The following SMCHD1 variants were observed in gnomAD, a reference collection of about 807,000 sequenced individuals.
The protein encoded by SMCHD1 is structural maintenance of chromosomes flexible hinge domain containing 1.
Under a neutral mutation model 254.7 loss-of-function variants are expected in SMCHD1, and 78 were observed. The observed-to-expected ratio is 0.31, with a 90% CI of 0.26 to 0.37. The LOEUF (loss-of-function observed/expected upper bound fraction) is 0.37, where lower values mean the gene tolerates loss of function less well. SMCHD1 is among the 10% of genes least tolerant of loss of function. The pLI is 1.00. For missense variants in SMCHD1, 1,840 were observed against 2,408.1 expected, an observed-to-expected ratio of 0.76 and a Z score of 4.94; for synonymous variants, 766 against 794.9, an observed-to-expected ratio of 0.96 and a Z score of 0.61.
At chr18:2,656,432 C>T (rs958223565) in intron 1 of SMCHD1, among the ~76,000 whole-genome samples, 171 bp downstream of exon 1, 4 of 152,196 alleles carry the variant, frequency 2.6e-5, no homozygotes, top group African/African-American at 7.2e-5. Context: ...GGCCGGACGC[C>T]TCGGGCGGGC....
intron 3 of SMCHD1, among the ~76,000 whole-genome samples, chr18:2,670,978 C>T (rs1346967158): frequency 1.4e-5 from 2 of 146,718 alleles, no homozygotes; most frequent in East Asian, 3.9e-4. Context: ...GGCTTGTTGC[C>T]CAGGCTGGAG....
At chr18:2,760,405 C>T in intron 34 of SMCHD1, 1 of 293,624 alleles carries the variant, frequency 3.4e-6, no homozygotes, top group Non-Finnish European at 6.4e-6. Context: ...CTTCATATTC[C>T]TGTTCTTTCA....
chr18:2,790,021 AAAAT>A (rs2076295391), intron 45 of SMCHD1, among the ~76,000 whole-genome samples: 1 of 152,074 alleles, frequency 6.6e-6, no homozygotes, highest in Non-Finnish European at 1.5e-5. Context: ...GTCTCTACTA[AAAAT>A]AAAAAAAGTT....
At chr18:2,682,177 T>C (rs2073945856) in intron 5 of SMCHD1, among the ~76,000 whole-genome samples, 1 of 152,068 alleles carries the variant, frequency 6.6e-6, no homozygotes, top group Non-Finnish European at 1.5e-5. Context: ...GTTTTTTTTT[T>C]CCTCCTTTGT....
intron 29 of SMCHD1, 53 bp from the exon 30 acceptor site, chr18:2,747,469 A>G: frequency 6.8e-7 from 1 of 1,469,140 alleles, no homozygotes; most frequent in Non-Finnish European, 9.3e-7. Flanking sequence ...AAGTAATTGC[A>G]TTGTTTGGCC....
At chr18:2,791,995 A>G (rs2076175254) in intron 45 of SMCHD1, among the ~76,000 whole-genome samples, 1 of 152,228 alleles carries the variant, frequency 6.6e-6, no homozygotes, top group South Asian at 2.1e-4. Context: ...AATCATTTCC[A>G]AAATATTTAT....
chr18:2,744,038 C>A, intron 29 of SMCHD1, 110 bp downstream of exon 29: 1 of 863,938 alleles, frequency 1.2e-6, no homozygotes, highest in Non-Finnish European at 1.7e-6. Context: ...TAACAACTAA[C>A]AGTTGTTAAC....
intron 17 of SMCHD1, among the ~76,000 whole-genome samples, chr18:2,708,228 A>G (rs1016327991): frequency 1.3e-5 from 2 of 152,184 alleles, no homozygotes; most frequent in African/African-American, 4.8e-5. Context: ...TTACAGTTCT[A>G]ATAATTACAG....
At chr18:2,684,548 T>C (rs1044056905) in intron 5 of SMCHD1, among the ~76,000 whole-genome samples, 7 of 152,178 alleles carry the variant, frequency 4.6e-5, no homozygotes, top group Non-Finnish European at 8.8e-5. Flanking sequence ...TATTTAACAA[T>C]CTCTGCCTTT....
At position 2,764,336 on chromosome 18, in the gene SMCHD1, C is replaced by T. The variant is rs558139008; in HGVS notation, c.4719+547C>T. ...TGTGTATATGATTTATATACATGTT[C>T]GGAGGGTGTAAAATTTCATTAATAG... is the stretch of plus-strand genomic sequence containing the variant. On this transcript the variant is annotated intron_variant, in intron 37 of 47. Transcript: ENST00000320876. Among the ~76,000 whole-genome samples, 5 of 152,100 alleles carry T rather than the reference C, an allele frequency of 3.3e-5. No individual in the cohort carries two copies. In the East Asian group the frequency reaches 9.7e-4, roughly 29 times the overall value.
chr18:2,660,814 A>G (rs890431590), intron 1 of SMCHD1, among the ~76,000 whole-genome samples: 101 of 152,224 alleles, frequency 6.6e-4, no homozygotes, highest in African/African-American at 2.4e-3. Flanking sequence ...TGAAAAATCC[A>G]TGGATATTTC....
chr18:2,738,672 A>C, intron 26 of SMCHD1, 127 bp downstream of exon 26: 1 of 853,402 alleles, frequency 1.2e-6, no homozygotes, highest in South Asian at 2.8e-5. Flanking sequence ...TTGTCTTTGG[A>C]ATAAAGTGTC....
intron 39 of SMCHD1, among the ~76,000 whole-genome samples, chr18:2,770,700 A>G (rs2075962374): frequency 6.6e-6 from 1 of 151,898 alleles, no homozygotes; most frequent in South Asian, 2.1e-4. Context: ...CACTCACTGC[A>G]CCCTCTGCCT....
At chr18:2,668,097 C>G (rs2073487246) in intron 3 of SMCHD1, among the ~76,000 whole-genome samples, 1 of 152,144 alleles carries the variant, frequency 6.6e-6, no homozygotes, top group Admixed American at 6.5e-5. Flanking sequence ...CCAGGCTGGT[C>G]TTGAACTCCT....
chr18:2,757,074 C>T (rs1406008260), intron 34 of SMCHD1, among the ~76,000 whole-genome samples: 1 of 151,924 alleles, frequency 6.6e-6, no homozygotes, highest in African/African-American at 2.4e-5. Flanking sequence ...TTTTTTAGCT[C>T]ATTTATTTTG....
chr18:2,688,156 G>T (rs1360352265), intron 5 of SMCHD1, among the ~76,000 whole-genome samples: 1 of 152,190 alleles, frequency 6.6e-6, no homozygotes, highest in Admixed American at 6.5e-5. Flanking sequence ...GATTTAGTAG[G>T]ATTGAGCCCA....
chr18:2,743,879 C>T lies in SMCHD1; in HGVS notation c.3752C>T (p.Ser1251Phe). 1 of 1,613,166 alleles carries T rather than the reference C, an allele frequency of 6.2e-7. No homozygotes were observed. The highest frequency in any genetic ancestry group is 2.2e-5 in the East Asian group (1 of 44,800). Residue 1251 changes from serine to phenylalanine, a missense_variant, in exon 29 of 48, where the codon TCT becomes TTT. This residue lies in a region of SMCHD1 where 881 missense variants were observed against 1,009.5 expected (regional missense o/e 0.87). Transcript: ENST00000320876. ...FSDFIRVQLI[S>F]GPPAKLLLID... Reference sequence around the variant, plus strand: ...GACTTTATTCGAGTGCAACTAATTTCTGGACCTCCTGCTAAACTTCTCCTT... The same window carrying T: ...GACTTTATTCGAGTGCAACTAATTTTTGGACCTCCTGCTAAACTTCTCCTT...
intron 12 of SMCHD1, 71 bp from the exon 13 acceptor site, chr18:2,703,621 A>C: frequency 7.8e-7 from 1 of 1,277,456 alleles, no homozygotes; most frequent in Non-Finnish European, 1.1e-6. Flanking sequence ...AAATAAAATG[A>C]ATGACAAATG....
At chr18:2,657,790 C>G (rs2073116590) in intron 1 of SMCHD1, among the ~76,000 whole-genome samples, 1 of 152,186 alleles carries the variant, frequency 6.6e-6, no homozygotes, top group Non-Finnish European at 1.5e-5. Context: ...CCGAATCTCT[C>G]CTTTCTGTTG....
Sources: allele counts gnomAD v4.1 joint callset (sites outside exome capture counted in the v4.1 genomes callset), GRCh38; gene constraint gnomAD v4.1.1; regional missense constraint gnomAD v4.1.1; transcripts MANE v1.5; gene names NCBI Gene and HGNC (gene_info 2026-07-23, HGNC 2026-07-21).